MOXD1: variants seen among roughly 807,000 people sequenced by gnomAD.
MOXD1 encodes the protein monooxygenase DBH like 1, also known as DBH-like monooxygenase protein 1.
In MOXD1, 62 loss-of-function variants were observed where a neutral mutation model predicts 66.6. That is an observed-to-expected ratio of 0.93 (90% CI 0.76 to 1.15). MOXD1 has a LOEUF of 1.15. Among genes scored for constraint, MOXD1 ranks in the 50% most tolerant of loss-of-function variants. The pLI is 0.00. For synonymous variants in MOXD1, 303 were observed against 281.9 expected, an observed-to-expected ratio of 1.07 and a Z score of -0.75; for missense variants, 847 against 754.6, an observed-to-expected ratio of 1.12 and a Z score of -1.44.
At chr6:132,308,443 A>C (rs370819080) in intron 10 of MOXD1, among the ~76,000 whole-genome samples, 4 of 152,230 alleles carry the variant, frequency 2.6e-5, no homozygotes, top group East Asian at 1.9e-4. Flanking sequence ...CCAGAAATAC[A>C]AAGAGGAACT....
intron 10 of MOXD1, among the ~76,000 whole-genome samples, chr6:132,314,232 C>T (rs1016287012): frequency 3.8e-4 from 58 of 152,182 alleles, no homozygotes; most frequent in Admixed American, 9.8e-4. Context: ...CCATGAGATG[C>T]CATTGATCAA....
At chr6:132,337,055 G>T (rs1382180076) in intron 4 of MOXD1, among the ~76,000 whole-genome samples, 1 of 152,192 alleles carries the variant, frequency 6.6e-6, no homozygotes, top group Non-Finnish European at 1.5e-5. Context: ...ACACAGAGAG[G>T]TACCAGAGAC....
chr6:132,302,209 C>T (rs1018617829), intron 10 of MOXD1, among the ~76,000 whole-genome samples: 9 of 152,118 alleles, frequency 5.9e-5, no homozygotes, highest in African/African-American at 1.7e-4. Context: ...TGAGCTCAAA[C>T]TAGCCAGAGT....
At chr6:132,317,284 T>C (rs1032777337) in intron 9 of MOXD1, among the ~76,000 whole-genome samples, 7 of 152,298 alleles carry the variant, frequency 4.6e-5, no homozygotes, top group African/African-American at 1.7e-4. Context: ...ATTTTACTAA[T>C]TGCAAAAACA....
rs553767922 is a variant in MOXD1 at position 132,376,947 on chromosome 6, C to T, written c.265-2170G>A. Reference sequence around the variant, plus strand: ...ATGAAGACATCAAAGAACAAAGAGGCTAAGCGACTTGCCCAGGATTTACAG... The same window carrying T: ...ATGAAGACATCAAAGAACAAAGAGGTTAAGCGACTTGCCCAGGATTTACAG... On this transcript the variant is annotated intron_variant, in intron 1 of 11. Transcript: ENST00000367963. Among the ~76,000 whole-genome samples, 3 of 152,276 alleles carry T rather than the reference C, an allele frequency of 2.0e-5. No homozygotes were observed. The South Asian group carries it at 6.2e-4, about 32-fold the overall frequency.
intron 1 of MOXD1, among the ~76,000 whole-genome samples, chr6:132,376,045 C>T (rs1776372505): frequency 6.6e-6 from 1 of 152,120 alleles, no homozygotes. Context: ...TTTTACCATT[C>T]GCCTACTCTG....
intron 8 of MOXD1, among the ~76,000 whole-genome samples, chr6:132,321,588 C>A (rs1354090689): frequency 1.3e-5 from 2 of 152,130 alleles, no homozygotes; most frequent in Non-Finnish European, 2.9e-5. Context: ...AGACCTGAGG[C>A]CGTAATCTCT....
Position 132,301,742 on chromosome 6 carries a change from C to T in MOXD1, c.1509-3787G>A, listed in dbSNP as rs574695603. Among the ~76,000 whole-genome samples, 4 of 152,184 alleles carry T rather than the reference C, an allele frequency of 2.6e-5. No individual in the cohort carries two copies. In the East Asian group the frequency reaches 7.7e-4, roughly 29 times the overall value. ...GAACAAAAATTCATTAACAGACTTCCACTTTTGGCCATGTTGGAGTAACTG... is the reference window on the plus strand; with the variant it reads ...GAACAAAAATTCATTAACAGACTTCTACTTTTGGCCATGTTGGAGTAACTG... On this transcript the variant is annotated intron_variant, in intron 10 of 11. Transcript: ENST00000367963.
At chr6:132,337,844 T>A (rs1562286292) in intron 4 of MOXD1, among the ~76,000 whole-genome samples, 1 of 152,206 alleles carries the variant, frequency 6.6e-6, no homozygotes, top group Non-Finnish European at 1.5e-5. Context: ...ACAGCAGAGA[T>A]CACCTAGAAC....
chr6:132,384,460 G>A (rs890395033), intron 1 of MOXD1, among the ~76,000 whole-genome samples: 1 of 152,124 alleles, frequency 6.6e-6, no homozygotes, highest in Non-Finnish European at 1.5e-5. Context: ...AGTTTAGTTG[G>A]GGGGGACAGA....
intron 10 of MOXD1, among the ~76,000 whole-genome samples, chr6:132,304,331 C>T (rs1774638474): frequency 6.6e-6 from 1 of 152,112 alleles, no homozygotes; most frequent in African/African-American, 2.4e-5. Flanking sequence ...CCCATCTTCA[C>T]AACAATAAGC....
At chr6:132,390,981 G>T (rs779302957) in intron 1 of MOXD1, 9 of 151,480 alleles carry the variant, frequency 5.9e-5, no homozygotes, top group Non-Finnish European at 1.0e-4. Context: ...ATTAACATAT[G>T]TTTTTATGTA....
chr6:132,297,836 C>T lies in MOXD1; in HGVS notation c.1628G>A (p.Ser543Asn), dbSNP rs764853816. The change falls in exon 11 of 12, where the codon AGC (serine) becomes AAC (asparagine). Residue 543 changes from serine (S) to asparagine (N), a missense_variant. Transcript: ENST00000367963. Reference protein sequence around the residue: ...EGLSFNKLVLSLPVNVRCSKT... With the variant: ...EGLSFNKLVLNLPVNVRCSKT... ...GGAACATCTCACATTCACTGGCAGG[C>T]TGAGGACCAGCTTGTTGAAGGAGAG... 28 of 1,613,046 alleles carry T rather than the reference C, an allele frequency of 1.7e-5. No individual in the cohort carries two copies. In the East Asian group the frequency reaches 6.0e-4, roughly 35 times the overall value.
At chr6:132,382,521 G>A (rs1776532064) in intron 1 of MOXD1, among the ~76,000 whole-genome samples, 1 of 151,976 alleles carries the variant, frequency 6.6e-6, no homozygotes, top group Admixed American at 6.5e-5. Context: ...TATTGATTAT[G>A]TATTTAGCTT....
At chr6:132,306,503 T>C (rs1338127878) in intron 10 of MOXD1, among the ~76,000 whole-genome samples, 1 of 151,896 alleles carries the variant, frequency 6.6e-6, no homozygotes. Flanking sequence ...AATCAGGAAA[T>C]ACAGAGAACA....
rs1775238274 is a variant in MOXD1, at chr6:132,328,475, G to A, written c.783C>T (p.Asn261=). 1 of 1,614,192 alleles carries A rather than the reference G, an allele frequency of 6.2e-7. No homozygotes were observed. The highest frequency in any genetic ancestry group is 1.1e-5 in the South Asian group (1 of 91,080). The change falls in exon 5 of 12, where the codon AAC becomes AAT. Residue 261 remains asparagine, a synonymous_variant. Coordinates refer to ENST00000367963, the MANE Select transcript of MOXD1 (RefSeq NM_015529.4). ...LESGHECYHP[N]MPDAFLTCET... is the part of the protein sequence containing the mutation. ...CACAGGTGAGGAATGCATCGGGCAT[G>A]TTGGGGTGATAGCACTCGTGGCCGG...
intron 1 of MOXD1, among the ~76,000 whole-genome samples, chr6:132,393,907 G>A (rs1446528020): frequency 2.6e-5 from 4 of 152,188 alleles, no homozygotes; most frequent in Non-Finnish European, 5.9e-5. Flanking sequence ...AGCTTGCCCA[G>A]TTCATCATGG....
Position 132,327,890 on chromosome 6 carries a change from A to G in MOXD1, c.946+123T>C, listed in dbSNP as rs568896833. The G allele has an allele frequency of 1.5e-5, 10 of 687,836 alleles. No homozygotes were observed. In the African/African-American group the frequency reaches 1.6e-4, roughly 11 times the overall value. The allele number at this position is 687,836 out of a possible 1,614,324, so 42.6% of individuals were successfully genotyped here. A position where few individuals can be genotyped will look rare whatever the true frequency, so the allele number is the denominator to read the frequency against. ...TTTAAAAAGTATCCTAATTTGAATGACAAATATATAGGTTAATTCCTTCTA... is the reference window on the plus strand; with the variant it reads ...TTTAAAAAGTATCCTAATTTGAATGGCAAATATATAGGTTAATTCCTTCTA... On this transcript the variant is annotated intron_variant, in intron 6 of 11. Transcript: ENST00000367963.
At chr6:132,365,629 A>G (rs1386641279) in intron 4 of MOXD1, among the ~76,000 whole-genome samples, 1 of 152,190 alleles carries the variant, frequency 6.6e-6, no homozygotes, top group African/African-American at 2.4e-5. Context: ...AATCACTTCC[A>G]TGAAAAGACA....
Sources: allele counts gnomAD v4.1 joint callset (sites outside exome capture counted in the v4.1 genomes callset), GRCh38; gene constraint gnomAD v4.1.1; transcripts MANE v1.5; gene names NCBI Gene and HGNC (gene_info 2026-07-23, HGNC 2026-07-21).